Variants in BCL2L10 observed in about 807,000 individuals in gnomAD.
BCL2L10 encodes the protein BCL2 like 10.
Under a neutral mutation model 11.1 loss-of-function variants are expected in BCL2L10, and 14 were observed. That is an observed-to-expected ratio of 1.26 (90% confidence interval 0.83 to 1.96). The LOEUF (loss-of-function observed/expected upper bound fraction) is 1.96. BCL2L10 is among the 30% of genes most tolerant of loss of function. The probability of loss-of-function intolerance (pLI) is 0.00; values close to 1 mark genes in which losing one functional copy is unlikely to be tolerated. For synonymous variants in BCL2L10, 154 were observed against 133.4 expected, an observed-to-expected ratio of 1.15 and a Z score of -1.07; for missense variants, 309 against 273.9, an observed-to-expected ratio of 1.13 and a Z score of -0.90.
rs557935361 is a variant in BCL2L10, at chr15:52,110,362, G to C, written c.490-389C>G. On this transcript the variant is annotated intron_variant, in intron 1 of 1. Coordinates refer to ENST00000260442, the MANE Select transcript of BCL2L10 (RefSeq NM_020396.4). ...ACCAACCCCATTTAGGAAGGGAATTGAACTCCAGGCTGTGGCATTTTAACT... is the reference window on the plus strand; with the variant it reads ...ACCAACCCCATTTAGGAAGGGAATTCAACTCCAGGCTGTGGCATTTTAACT... Among the ~76,000 whole-genome samples the C allele has an allele frequency of 2.0e-5, 3 of 152,236 alleles. No individual in the cohort carries two copies. In the South Asian group the frequency reaches 6.2e-4, roughly 32 times the overall value.
chr15:52,111,552 T>G (rs2033057034), intron 1 of BCL2L10, among the ~76,000 whole-genome samples: 1 of 152,030 alleles, frequency 6.6e-6, no homozygotes, highest in African/African-American at 2.4e-5. Context: ...CCCAGAGGCA[T>G]GCAGTGGGCT....
intron 1 of BCL2L10, among the ~76,000 whole-genome samples, chr15:52,111,234 T>A (rs1596039900): frequency 2.3e-5 from 3 of 128,574 alleles, no homozygotes; most frequent in African/African-American, 9.1e-5. Flanking sequence ...CCAGGCTTGG[T>A]GGGGCGCGCC....
chr15:52,109,402 T>G lies in BCL2L10; in HGVS notation c.*446A>C, dbSNP rs1365147760. 6.5e-6 allele frequency: 1 copy of G among 153,452 alleles called. No homozygotes were observed. Among genetic ancestry groups the G allele is most frequent in the African/African-American group, 2.4e-5 (1 of 41,514 alleles). The allele number at this position is 153,452 out of a possible 1,614,324, so 9.5% of individuals were successfully genotyped here. ...TTTCAAAGAATTCCTTATAAGTGAT[T>G]TTAACATTACATTCTTTGTTAAACT... On this transcript the variant is annotated 3_prime_UTR_variant, in exon 2 of 2. Transcript: ENST00000260442.
Position 52,109,657 on chromosome 15 carries a change from T to C in BCL2L10, c.*191A>G. The stretch of plus-strand genomic sequence containing the variant: ...ACTCAAGGAAGAGCCATTTGCATTC[T>C]TGTCCTCACACCTGAGTACTTGTCA... On this transcript the variant is annotated 3_prime_UTR_variant, in exon 2 of 2. Coordinates refer to ENST00000260442, the MANE Select transcript of BCL2L10 (RefSeq NM_020396.4). 1.5e-6 allele frequency: 1 copy of C among 652,540 alleles called. No individual in the cohort carries two copies. The highest frequency in any genetic ancestry group is 2.5e-6 in the Non-Finnish European group (1 of 406,064). The allele number at this position is 652,540 out of a possible 1,614,324, so 40.4% of individuals were successfully genotyped here. A position where few individuals can be genotyped will look rare whatever the true frequency, so the allele number is the denominator to read the frequency against.
In BCL2L10 at chr15:52,109,314, A is replaced by G. The variant is rs1165215348; in HGVS notation, c.*534T>C. 6.6e-6 allele frequency: 1 copy of G among 152,292 alleles called. No homozygotes were observed. The highest frequency in any genetic ancestry group is 1.5e-5 in the Non-Finnish European group (1 of 68,068). 9.4% of individuals were successfully genotyped at this position (152,292 alleles called of 1,614,324 possible). A position where few individuals can be genotyped will look rare whatever the true frequency, so the allele number is the denominator to read the frequency against. On this transcript the variant is annotated 3_prime_UTR_variant, in exon 2 of 2. Transcript: ENST00000260442. ...AAACTTTGCAGTTAACAATTATTGA[A>G]GAAATTAGTATGTTAACTATAAAAA...
At position 52,112,557 on chromosome 15, in the gene BCL2L10, C is replaced by G. The variant is rs1272509957; in HGVS notation, c.170G>C (p.Arg57Pro). Reference sequence around the variant, plus strand: ...GGAGAAAAAGGACCGGTGAATCTGCCGTAACCTGGCGGCCGCGGAGCGCAG... The same window carrying G: ...GGAGAAAAAGGACCGGTGAATCTGCGGTAACCTGGCGGCCGCGGAGCGCAG... Reference protein sequence around the residue: ...AVLRSAAARLRQIHRSFFSAY... With the variant: ...AVLRSAAARLPQIHRSFFSAY... The change falls in exon 1 of 2, where the codon CGG (arginine) becomes CCG (proline). Residue 57 changes from arginine (R) to proline (P), a missense_variant. Transcript: ENST00000260442. 3.8e-6 allele frequency: 6 copies of G among 1,583,540 alleles called. No individual in the cohort carries two copies. Among genetic ancestry groups the G allele is most frequent in the South Asian group, 1.1e-5 (1 of 88,698 alleles).
At position 52,110,094 on chromosome 15, in the gene BCL2L10, G is replaced by A. The variant is rs2033031542; in HGVS notation, c.490-121C>T. 9 of 1,021,876 alleles carry A rather than the reference G, an allele frequency of 8.8e-6. No homozygotes were observed. In the Admixed American group the frequency reaches 1.8e-4, roughly 21 times the overall value. 63.3% of individuals were successfully genotyped at this position (1,021,876 alleles called of 1,614,324 possible). On this transcript the variant is annotated intron_variant, in intron 1 of 1. Transcript: ENST00000260442. ...TTTGGATTTAAAAAGTAAAAGGAAA[G>A]GAAATTCTGACCAATACACATCCAG... is the stretch of plus-strand genomic sequence containing the variant.
At chr15:52,112,061 G>A (rs1239428616) in intron 1 of BCL2L10, 177 bp downstream of exon 1, 6 of 1,245,354 alleles carry the variant, frequency 4.8e-6, no homozygotes, top group Middle Eastern at 2.9e-4. Context: ...TTCTGCCAGG[G>A]GAGGAGAAAC....
At chr15:52,111,994 G>A (rs1325388390) in intron 1 of BCL2L10, among the ~76,000 whole-genome samples, 1 of 152,240 alleles carries the variant, frequency 6.6e-6, no homozygotes, top group Non-Finnish European at 1.5e-5. Flanking sequence ...ACCTAAGCCT[G>A]CGCAGCTGCT....
chr15:52,112,642 A>AC lies in BCL2L10; in HGVS notation c.84dup (p.Tyr29ValfsTer191). On this transcript the variant is annotated frameshift_variant, in exon 1 of 2. Coordinates refer to ENST00000260442, the MANE Select transcript of BCL2L10 (RefSeq NM_020396.4). LOFTEE classifies it high-confidence loss of function. ...GGGGTGCCGGGTTCCCGGGCGCAGT[A>AC]CCCCAGGTAGTCGGCCAGCAACAGC... 6.4e-7 allele frequency: 1 copy of AC among 1,560,692 alleles called. No homozygotes were observed. Among genetic ancestry groups the AC allele is most frequent in the Non-Finnish European group, 8.6e-7 (1 of 1,161,242 alleles).
intron 1 of BCL2L10, among the ~76,000 whole-genome samples, chr15:52,111,784 G>A (rs2033060314): frequency 6.6e-6 from 1 of 152,216 alleles, no homozygotes; most frequent in Non-Finnish European, 1.5e-5. Context: ...GAGGCGTAGG[G>A]GGTTGTGATC....
In BCL2L10 at chr15:52,112,351, G is replaced by C. The variant is rs371652431; in HGVS notation, c.376C>G (p.Arg126Gly). 1 of 1,600,190 alleles carries C rather than the reference G, an allele frequency of 6.2e-7. No homozygotes were observed. Among genetic ancestry groups the C allele is most frequent in the Admixed American group, 1.7e-5 (1 of 59,630 alleles). ...ACGTCGCCCTCCTGCTCCTTTAGCC[G>C]CGGCTGGAAGCCCCACTTCTTCCAC... ...ARWKKWGFQP[R>G]LKEQEGDVAR... Residue 126 changes from arginine to glycine, a missense_variant, in exon 1 of 2, where the codon CGG becomes GGG. Coordinates refer to ENST00000260442, the MANE Select transcript of BCL2L10 (RefSeq NM_020396.4).
intron 1 of BCL2L10, 147 bp from the exon 2 acceptor site, chr15:52,110,120 T>C (rs1387503212): frequency 2.8e-6 from 2 of 718,436 alleles, no homozygotes; most frequent in Non-Finnish European, 4.5e-6. Flanking sequence ...ACACATCCAG[T>C]AATGAGGAGC....
chr15:52,110,695 A>T (rs1383371097), intron 1 of BCL2L10, among the ~76,000 whole-genome samples: 1 of 152,212 alleles, frequency 6.6e-6, no homozygotes, highest in Non-Finnish European at 1.5e-5. Context: ...GGCCTCCCAA[A>T]GTGCTGGGAT....
At chr15:52,111,004 T>C (rs1012017670) in intron 1 of BCL2L10, among the ~76,000 whole-genome samples, 1 of 152,014 alleles carries the variant, frequency 6.6e-6, no homozygotes, top group African/African-American at 2.4e-5. Flanking sequence ...TCCCACTCCC[T>C]TTCCCTTCTC....
chr15:52,112,177 C>T, intron 1 of BCL2L10, 61 bp downstream of exon 1: 1 of 1,421,914 alleles, frequency 7.0e-7, no homozygotes, highest in Non-Finnish European at 9.1e-7. Flanking sequence ...CCGTGCCAGC[C>T]TCGTGGGCGC....
rs2033073277 is a variant in BCL2L10, at chr15:52,112,442, G to C, written c.285C>G (p.Gly95=). 2 of 1,606,858 alleles carry C rather than the reference G, an allele frequency of 1.2e-6. No individual in the cohort carries two copies. The highest frequency in any genetic ancestry group is 2.7e-5 in the African/African-American group (2 of 74,934). ...VLSDSPGPTW[G]RVVTLVTFAG... ...CGAAGGTCACGAGCGTCACCACTCT[G>C]CCCCAGGTGGGGCCGGGGCTGTCGG... Residue 95 remains glycine, a synonymous_variant, in exon 1 of 2, where the codon GGC becomes GGG. Coordinates refer to ENST00000260442, the MANE Select transcript of BCL2L10 (RefSeq NM_020396.4).
chr15:52,111,616 C>G (rs949867910), intron 1 of BCL2L10, among the ~76,000 whole-genome samples: 2 of 152,140 alleles, frequency 1.3e-5, no homozygotes, highest in Non-Finnish European at 2.9e-5. Context: ...GCCTGTCCCT[C>G]TAACCTTGAC....
Position 52,112,620 on chromosome 15 carries a change from G to T in BCL2L10, c.107C>A (p.Thr36Asn). ...YLGYCAREPG[T>N]PEPAPSTPEA... ...GGGCGTGGATGGCGCCGGCTCGGGG[G>T]TGCCGGGTTCCCGGGCGCAGTACCC... The change falls in exon 1 of 2, where the codon ACC (threonine) becomes AAC (asparagine). Residue 36 changes from threonine to asparagine, a missense_variant. By Grantham distance (65) the Thr-to-Asn change is moderately conservative. Coordinates refer to ENST00000260442, the MANE Select transcript of BCL2L10 (RefSeq NM_020396.4). 1 of 1,570,650 alleles carries T rather than the reference G, an allele frequency of 6.4e-7. No homozygotes were observed.
Sources: gnomAD v4.1 joint callset for allele counts (sites outside exome capture counted in the v4.1 genomes callset) on GRCh38, gnomAD v4.1.1 for gene constraint, MANE v1.5 for transcripts, NCBI Gene and HGNC (gene_info 2026-07-23, HGNC 2026-07-21) for gene names.